SCAMP1: variants seen among roughly 807,000 people sequenced by gnomAD.
The protein encoded by SCAMP1 is secretory carrier-associated membrane protein 1.
A neutral mutation model predicts 41.8 loss-of-function variants in SCAMP1; 15 were observed. The ratio of observed to expected loss-of-function variants is 0.36; its 90% CI spans 0.24 to 0.55. The LOEUF (loss-of-function observed/expected upper bound fraction) is 0.55, where lower values mean the gene tolerates loss of function less well. Ranked by LOEUF, SCAMP1 falls within the 20% of genes least tolerant of loss-of-function variation. SCAMP1 has a pLI of 0.86. For missense variants in SCAMP1, 341 were observed against 412.6 expected, an observed-to-expected ratio of 0.83 and a Z score of 1.50; for synonymous variants, 135 against 136.8, an observed-to-expected ratio of 0.99 and a Z score of 0.09.
At chr5:78,389,001 T>C in intron 2 of SCAMP1, 87 bp downstream of exon 2, 3 of 637,648 alleles carry the variant, frequency 4.7e-6, no homozygotes, top group Non-Finnish European at 7.9e-6. Context: ...GTGGATTGCT[T>C]ACACTTAAAT....
At chr5:78,467,876 G>A (rs1753784523) in intron 8 of SCAMP1, among the ~76,000 whole-genome samples, 1 of 152,006 alleles carries the variant, frequency 6.6e-6, no homozygotes, top group African/African-American at 2.4e-5. Flanking sequence ...TTCACACTTG[G>A]TCAAAACTGG....
At position 78,404,453 on chromosome 5, in the gene SCAMP1, GTTTT is replaced by G. The variant is rs3058233; in HGVS notation, c.136-11050_136-11047del. ...TGAGCCACTGTGCCCAGCCTTACAGGTTTTTTTTTTTTTTTTTTTTGCTAGGCTG... is the reference window on the plus strand; with the variant it reads ...TGAGCCACTGTGCCCAGCCTTACAGGTTTTTTTTTTTTTTTTGCTAGGCTG... On this transcript the variant is annotated intron_variant, in intron 2 of 8. Coordinates refer to ENST00000621999, the MANE Select transcript of SCAMP1 (RefSeq NM_004866.6). Among the ~76,000 whole-genome samples the G allele has an allele frequency of 3.0e-4, 29 of 98,168 alleles. 1 individual carries two copies. The highest frequency in any genetic ancestry group is 1.1e-3 in the African/African-American group (24 of 22,238). 64.4% of individuals were successfully genotyped at this position (98,168 alleles called of 152,430 possible). A position where few individuals can be genotyped will look rare whatever the true frequency, so the allele number is the denominator to read the frequency against.
intron 8 of SCAMP1, among the ~76,000 whole-genome samples, chr5:78,469,224 T>C (rs936253702): frequency 1.3e-5 from 2 of 152,154 alleles, no homozygotes; most frequent in Non-Finnish European, 2.9e-5. Context: ...ATAATTCCAC[T>C]GTACTATTTT....
In SCAMP1 at chr5:78,479,998, A is replaced by G. The variant is rs1754101269; in HGVS notation, c.*4330A>G. ...GAGGCGGAGCTTGCAGTGAGCCGAG[A>G]TCTCTCCACTGCACTCCAGCCTGGG... On this transcript the variant is annotated 3_prime_UTR_variant, in exon 9 of 9. Transcript: ENST00000621999. 6.6e-6 allele frequency among the ~76,000 whole-genome samples: 1 copy of G among 151,872 alleles called. No homozygotes were observed. Among genetic ancestry groups the G allele is most frequent in the African/African-American group, 2.4e-5 (1 of 41,284 alleles).
At chr5:78,365,353 A>G (rs1284430639) in intron 1 of SCAMP1, among the ~76,000 whole-genome samples, 1 of 151,816 alleles carries the variant, frequency 6.6e-6, no homozygotes, top group Non-Finnish European at 1.5e-5. Flanking sequence ...GGGCACCTGT[A>G]ATCCCAGCTA....
intron 6 of SCAMP1, among the ~76,000 whole-genome samples, chr5:78,432,097 A>C (rs1580690590): frequency 6.6e-6 from 1 of 151,728 alleles, no homozygotes; most frequent in African/African-American, 2.4e-5. Flanking sequence ...AACCATCTCT[A>C]CCTCTCCGGT....
At chr5:78,400,518 T>C (rs1449396301) in intron 2 of SCAMP1, among the ~76,000 whole-genome samples, 1 of 152,244 alleles carries the variant, frequency 6.6e-6, no homozygotes, top group Non-Finnish European at 1.5e-5. Context: ...TCTTTTATTC[T>C]TCTTTGATTT....
At chr5:78,472,107 C>T (rs922877064) in intron 8 of SCAMP1, among the ~76,000 whole-genome samples, 2 of 152,006 alleles carry the variant, frequency 1.3e-5, no homozygotes, top group Non-Finnish European at 2.9e-5. Flanking sequence ...ATTCAGGTCA[C>T]ATACACAGTG....
In SCAMP1 at chr5:78,410,131, T is replaced by C. The variant is rs570794943; in HGVS notation, c.136-5389T>C. Reference sequence around the variant, plus strand: ...GAACTCTTTTTCTTTTTTTTTTTTTTCCAACTTTTTAAGTTCTGGGGTACA... The same window carrying C: ...GAACTCTTTTTCTTTTTTTTTTTTTCCCAACTTTTTAAGTTCTGGGGTACA... On this transcript the variant is annotated intron_variant, in intron 2 of 8. Transcript: ENST00000621999. Among the ~76,000 whole-genome samples the C allele has an allele frequency of 2.1e-4, 31 of 147,712 alleles. No individual in the cohort carries two copies. In the South Asian group the frequency reaches 4.9e-3, roughly 23 times the overall value.
At chr5:78,375,399 A>G (rs1751041709) in intron 1 of SCAMP1, among the ~76,000 whole-genome samples, 1 of 152,144 alleles carries the variant, frequency 6.6e-6, no homozygotes, top group Non-Finnish European at 1.5e-5. Flanking sequence ...CTAAGTCAGT[A>G]TTCTCAGCAG....
intron 2 of SCAMP1, among the ~76,000 whole-genome samples, chr5:78,402,532 T>A (rs1007598929): frequency 1.3e-5 from 2 of 152,224 alleles, no homozygotes; most frequent in African/African-American, 4.8e-5. Flanking sequence ...AGGAATGCTA[T>A]GTCTTGGAGA....
At chr5:78,399,018 T>C (rs537670433) in intron 2 of SCAMP1, among the ~76,000 whole-genome samples, 1 of 152,222 alleles carries the variant, frequency 6.6e-6, no homozygotes, top group East Asian at 1.9e-4. Context: ...ATCTTTTTAC[T>C]GTCTCCATAG....
At chr5:78,373,370 T>C (rs959751947) in intron 1 of SCAMP1, among the ~76,000 whole-genome samples, 4 of 152,196 alleles carry the variant, frequency 2.6e-5, no homozygotes, top group African/African-American at 4.8e-5. Flanking sequence ...TTTTGCAATA[T>C]GCTACTTACC....
intron 8 of SCAMP1, among the ~76,000 whole-genome samples, chr5:78,473,878 A>G (rs765804115): frequency 1.3e-5 from 2 of 152,090 alleles, no homozygotes; most frequent in African/African-American, 4.8e-5. Flanking sequence ...TAACAAAAAT[A>G]CCATAGATTG....
intron 1 of SCAMP1, among the ~76,000 whole-genome samples, chr5:78,363,196 C>A (rs116135438): frequency 6.9e-6 from 1 of 144,686 alleles, no homozygotes; most frequent in Non-Finnish European, 1.5e-5. Context: ...TCAAGCAGAT[C>A]GTTTTTCTTT....
At chr5:78,454,347 A>G (rs1282628291) in intron 7 of SCAMP1, among the ~76,000 whole-genome samples, 15 of 152,094 alleles carry the variant, frequency 9.9e-5, no homozygotes, top group South Asian at 2.1e-4. Flanking sequence ...ATTATTTTGA[A>G]ATACGTCCCA....
chr5:78,419,802 T>C (rs908801097), intron 5 of SCAMP1, among the ~76,000 whole-genome samples: 4 of 152,222 alleles, frequency 2.6e-5, no homozygotes, highest in African/African-American at 9.6e-5. Flanking sequence ...GCATTCTTCA[T>C]GTATGTCAAG....
intron 5 of SCAMP1, 35 bp from the exon 6 acceptor site, chr5:78,421,766 T>A: frequency 6.4e-7 from 1 of 1,558,978 alleles, no homozygotes; most frequent in Middle Eastern, 1.8e-4. Context: ...TGAATGTAAA[T>A]CTTTCTTTTT....
At position 78,419,234 on chromosome 5, in the gene SCAMP1, A is replaced by G. The variant is rs1242612673; in HGVS notation, c.472+331A>G. On this transcript the variant is annotated intron_variant, in intron 5 of 8. Transcript: ENST00000621999. Reference sequence around the variant, plus strand: ...TAGACATGATTTGCTTGGAAAAAATAGTGCATACTAATTTTATGCAGAGGA... The same window carrying G: ...TAGACATGATTTGCTTGGAAAAAATGGTGCATACTAATTTTATGCAGAGGA... Among the ~76,000 whole-genome samples, 4 of 152,224 alleles carry G rather than the reference A, an allele frequency of 2.6e-5. No homozygotes were observed. The East Asian group carries it at 5.8e-4, about 22-fold the overall frequency.
Sources: gnomAD v4.1 joint callset for allele counts (sites outside exome capture counted in the v4.1 genomes callset) on GRCh38, gnomAD v4.1.1 for gene constraint, MANE v1.5 for transcripts, NCBI Gene and HGNC (gene_info 2026-07-23, HGNC 2026-07-21) for gene names.